FBXO25: variants seen among roughly 807,000 people sequenced by gnomAD.
FBXO25 encodes F-box only protein 25.
A neutral mutation model predicts 51.9 loss-of-function variants in FBXO25; 45 were observed. The ratio of observed to expected loss-of-function variants is 0.87; its 90% CI spans 0.68 to 1.11. The LOEUF (loss-of-function observed/expected upper bound fraction) is 1.11, where lower values mean the gene tolerates loss of function less well. Among genes scored for constraint, FBXO25 ranks in the 50% most tolerant of loss-of-function variants. The pLI is 0.00. For missense variants in FBXO25, 507 were observed against 428.5 expected (o/e 1.18, Z -1.62); for synonymous variants, 199 against 151.0 (o/e 1.32, Z -2.33).
At position 476,155 on chromosome 8, in the gene FBXO25, T is replaced by C. The variant is rs767932252; in HGVS notation, c.*7351T>C. The C allele has an allele frequency of 3.9e-5, 6 of 152,164 alleles. No homozygotes were observed. The highest frequency in any genetic ancestry group is 7.4e-5 in the Non-Finnish European group (5 of 68,012). The allele number at this position is 152,164 out of a possible 1,614,324, so 9.4% of individuals were successfully genotyped here. On this transcript the variant is annotated 3_prime_UTR_variant, in exon 10 of 10. Transcript: ENST00000350302. Reference sequence around the variant, plus strand: ...TTTTTCCTTCATTCTATTAATGTAATAGACATTACATTTATTGACTTGAGC... The same window carrying C: ...TTTTTCCTTCATTCTATTAATGTAACAGACATTACATTTATTGACTTGAGC...
Position 471,271 on chromosome 8 carries a change from G to A in FBXO25, c.*2467G>A, listed in dbSNP as rs1385199085. 6.6e-6 allele frequency: 1 copy of A among 152,210 alleles called. No individual in the cohort carries two copies. The highest frequency in any genetic ancestry group is 1.9e-4 in the East Asian group (1 of 5,194). 9.4% of individuals were successfully genotyped at this position (152,210 alleles called of 1,614,324 possible). ...AAGCAGGGATGGCTTACATTGCTGG[G>A]GAGAGATTGAAAGGTTAATGGAGGG... On this transcript the variant is annotated 3_prime_UTR_variant, in exon 10 of 10. Transcript: ENST00000350302.
intron 2 of FBXO25, among the ~76,000 whole-genome samples, chr8:418,674 G>C (rs1181473306): frequency 6.6e-6 from 1 of 152,094 alleles, no homozygotes; most frequent in Non-Finnish European, 1.5e-5. Context: ...TCTTTCAAAA[G>C]AAATTATATT....
intron 9 of FBXO25, among the ~76,000 whole-genome samples, chr8:463,759 G>A (rs1165619679): frequency 6.6e-6 from 1 of 151,776 alleles, no homozygotes; most frequent in Non-Finnish European, 1.5e-5. Flanking sequence ...CATCCAGACT[G>A]TGTGTCTAAA....
At position 473,739 on chromosome 8, in the gene FBXO25, C is replaced by A. The variant is rs1035914664; in HGVS notation, c.*4935C>A. ...GCGGTTTCTTTGAAATGCTCTTGTT[C>A]TTCCTAAGTAAGGGAGAGCAAAAAA... On this transcript the variant is annotated 3_prime_UTR_variant, in exon 10 of 10. Coordinates refer to ENST00000350302, the MANE Select transcript of FBXO25 (RefSeq NM_183420.2). The A allele has an allele frequency of 4.8e-5, 5 of 104,918 alleles. No homozygotes were observed. The highest frequency in any genetic ancestry group is 2.0e-4 in the African/African-American group (5 of 25,100). The allele number at this position is 104,918 out of a possible 1,614,324, so 6.5% of individuals were successfully genotyped here. A position where few individuals can be genotyped will look rare whatever the true frequency, so the allele number is the denominator to read the frequency against.
At chr8:423,753 T>C (rs1797298827) in intron 2 of FBXO25, among the ~76,000 whole-genome samples, 1 of 152,360 alleles carries the variant, frequency 6.6e-6, no homozygotes, top group Admixed American at 6.5e-5. Context: ...GCGATGAACA[T>C]AGGAGTGCCT....
intron 8 of FBXO25, among the ~76,000 whole-genome samples, chr8:458,924 CCT>C (rs1395174337): frequency 2.6e-5 from 4 of 152,154 alleles, no homozygotes; most frequent in Non-Finnish European, 5.9e-5. Context: ...AGTCAGGTGC[CCT>C]CTGTGTGCCT....
chr8:435,809 G>A, intron 5 of FBXO25, 102 bp downstream of exon 5: 1 of 1,499,182 alleles, frequency 6.7e-7, no homozygotes, highest in Non-Finnish European at 8.9e-7. Context: ...GCAGCTTGAA[G>A]GTGTGCCTGT....
At chr8:417,687 A>G (rs1401570372) in intron 2 of FBXO25, among the ~76,000 whole-genome samples, 3 of 152,202 alleles carry the variant, frequency 2.0e-5, no homozygotes, top group South Asian at 4.1e-4. Flanking sequence ...AATGCATTGC[A>G]TGTTCATCCT....
intron 5 of FBXO25, among the ~76,000 whole-genome samples, chr8:435,997 C>T (rs1798083385): frequency 6.6e-6 from 1 of 152,212 alleles, no homozygotes; most frequent in East Asian, 1.9e-4. Flanking sequence ...GGGGGTTGTA[C>T]CACGTACCTA....
rs1050038904 is a variant in FBXO25 at position 474,448 on chromosome 8, A to G, written c.*5644A>G. On this transcript the variant is annotated 3_prime_UTR_variant, in exon 10 of 10. Coordinates refer to ENST00000350302, the MANE Select transcript of FBXO25 (RefSeq NM_183420.2). ...CTGCTTTCAATCATATGGCAATCCT[A>G]TGTTTAATTTCTTAGGGCACTGCCA... 9.9e-6 allele frequency: 3 copies of G among 302,826 alleles called. No individual in the cohort carries two copies. The highest frequency in any genetic ancestry group is 2.0e-4 in the East Asian group (2 of 10,166). The allele number at this position is 302,826 out of a possible 1,614,324, so 18.8% of individuals were successfully genotyped here.
intron 1 of FBXO25, among the ~76,000 whole-genome samples, chr8:409,409 T>C (rs1796360527): frequency 6.6e-6 from 1 of 152,218 alleles, no homozygotes; most frequent in Non-Finnish European, 1.5e-5. Context: ...TTTCAACCCT[T>C]AAAAAATCAA....
chr8:418,531 G>C (rs1379969429), intron 2 of FBXO25, among the ~76,000 whole-genome samples: 1 of 151,578 alleles, frequency 6.6e-6, no homozygotes, highest in Non-Finnish European at 1.5e-5. Context: ...GTAGAAACAG[G>C]GTTTCACCAT....
At chr8:460,466 A>G (rs1404678149) in intron 8 of FBXO25, among the ~76,000 whole-genome samples, 3 of 152,220 alleles carry the variant, frequency 2.0e-5, no homozygotes, top group Non-Finnish European at 2.9e-5. Flanking sequence ...AAAAAAAAGC[A>G]TATTAGAAAT....
intron 5 of FBXO25, among the ~76,000 whole-genome samples, chr8:446,904 G>T (rs1319051586): frequency 6.6e-6 from 1 of 151,360 alleles, no homozygotes; most frequent in African/African-American, 2.5e-5. Context: ...AGAAAGGCTG[G>T]AAGGAGAATT....
rs1254365544 is a variant in FBXO25 at position 447,191 on chromosome 8, A to G, written c.382-2799A>G. Among the ~76,000 whole-genome samples, 4 of 152,108 alleles carry G rather than the reference A, an allele frequency of 2.6e-5. No individual in the cohort carries two copies. In the East Asian group the frequency reaches 5.8e-4, roughly 22 times the overall value. On this transcript the variant is annotated intron_variant, in intron 5 of 9. Transcript: ENST00000350302. Reference sequence around the variant, plus strand: ...GTTCCAGGGAGGACCACTGACAGCAAAGGGCTTCCTGGATCCAGTTTTACT... The same window carrying G: ...GTTCCAGGGAGGACCACTGACAGCAGAGGGCTTCCTGGATCCAGTTTTACT...
chr8:424,540 T>TA (rs1374955940), intron 2 of FBXO25, among the ~76,000 whole-genome samples: 1 of 152,232 alleles, frequency 6.6e-6, no homozygotes, highest in Non-Finnish European at 1.5e-5. Flanking sequence ...AATTTTTGTA[T>TA]ATGCTGAAAG....
chr8:414,316 A>T (rs972699979), intron 2 of FBXO25, among the ~76,000 whole-genome samples: 10 of 152,182 alleles, frequency 6.6e-5, no homozygotes, highest in Admixed American at 5.9e-4. Context: ...TTTCTAGGTC[A>T]TTTTTACTAT....
intron 2 of FBXO25, among the ~76,000 whole-genome samples, chr8:427,458 G>A (rs7844307): frequency 0.47 from 54,635 of 116,982 alleles, 10,435 homozygotes; most frequent in African/African-American, 0.67. Context: ...CTTCTGTTTG[G>A]TAGCATATAT....
At chr8:456,709 C>T (rs564784532) in intron 7 of FBXO25, among the ~76,000 whole-genome samples, 11 of 152,236 alleles carry the variant, frequency 7.2e-5, no homozygotes, top group African/African-American at 2.6e-4. Flanking sequence ...GTGTTGAGGC[C>T]CCACTCGTGT....
Sources: gnomAD v4.1 joint callset for allele counts (sites outside exome capture counted in the v4.1 genomes callset) on GRCh38, gnomAD v4.1.1 for gene constraint, MANE v1.5 for transcripts, NCBI Gene and HGNC (gene_info 2026-07-23, HGNC 2026-07-21) for gene names.